Variants in EEF1AKMT1 observed in about 807,000 individuals in gnomAD.
EEF1AKMT1 encodes the protein EEF1A lysine methyltransferase 1.
EEF1AKMT1 carries 18 observed loss-of-function variants against 21.0 expected under a neutral mutation model. That is an observed-to-expected ratio of 0.86 (90% CI 0.59 to 1.27). EEF1AKMT1 has a LOEUF of 1.27. Among genes scored for constraint, EEF1AKMT1 ranks in the 50% most tolerant of loss-of-function variants. The pLI, the probability that EEF1AKMT1 is intolerant of heterozygous loss-of-function variation, is 0.00. For synonymous variants in EEF1AKMT1, 109 were observed against 94.8 expected, an observed-to-expected ratio of 1.15 and a Z score of -0.87; for missense variants, 246 against 258.6, an observed-to-expected ratio of 0.95 and a Z score of 0.33.
intron 4 of EEF1AKMT1, among the ~76,000 whole-genome samples, chr13:20,729,454 A>C (rs1327604618): frequency 6.6e-6 from 1 of 151,908 alleles, no homozygotes; most frequent in Non-Finnish European, 1.5e-5. Context: ...ACCTCTGCAA[A>C]GCCGAGACAC....
intron 4 of EEF1AKMT1, 137 bp from the exon 5 acceptor site, chr13:20,729,353 G>C: frequency 1.0e-6 from 1 of 965,242 alleles, no homozygotes; most frequent in Non-Finnish European, 1.5e-6. Context: ...GAGGGAGCGA[G>C]TGTTCTTTAC....
At chr13:20,751,887 T>A (rs558374651) in intron 2 of EEF1AKMT1, among the ~76,000 whole-genome samples, 1 of 152,286 alleles carries the variant, frequency 6.6e-6, no homozygotes, top group South Asian at 2.1e-4. Context: ...TATTACTAGG[T>A]ATTTCTTTTT....
intron 1 of EEF1AKMT1, among the ~76,000 whole-genome samples, chr13:20,768,167 GT>G (rs1161553927): frequency 6.6e-6 from 1 of 152,160 alleles, no homozygotes; most frequent in Non-Finnish European, 1.5e-5. Flanking sequence ...ATGTCTGATA[GT>G]TTTTTTATGG....
chr13:20,767,183 G>A lies in EEF1AKMT1; in HGVS notation c.-20+6738C>T, dbSNP rs563134104. 2.6e-5 allele frequency among the ~76,000 whole-genome samples: 4 copies of A among 151,668 alleles called. No individual in the cohort carries two copies. In the East Asian group the frequency reaches 5.9e-4, roughly 22 times the overall value. ...TAGCCGGGCGTTGTGGCAAGCACCTGTAGTCCCAGCTACTCGGGAGGCTGA... is the reference window on the plus strand; with the variant it reads ...TAGCCGGGCGTTGTGGCAAGCACCTATAGTCCCAGCTACTCGGGAGGCTGA... On this transcript the variant is annotated intron_variant, in intron 1 of 4. Coordinates refer to ENST00000382758, the MANE Select transcript of EEF1AKMT1 (RefSeq NM_001318939.2).
chr13:20,763,854 G>T (rs1295546764), intron 1 of EEF1AKMT1, among the ~76,000 whole-genome samples: 30 of 152,156 alleles, frequency 2.0e-4, no homozygotes, highest in Non-Finnish European at 1.5e-5. Context: ...CTCGTAGTTT[G>T]TAGTTTCAAC....
intron 2 of EEF1AKMT1, among the ~76,000 whole-genome samples, chr13:20,740,576 G>A (rs751142390): frequency 3.9e-5 from 6 of 152,220 alleles, no homozygotes; most frequent in East Asian, 1.9e-4. Context: ...AGGCCAAGGC[G>A]GGAGGGTCCT....
rs2058996390 is a variant in EEF1AKMT1, at chr13:20,760,576, C to A, written c.-19-2959G>T. Among the ~76,000 whole-genome samples, 4 of 152,230 alleles carry A rather than the reference C, an allele frequency of 2.6e-5. No homozygotes were observed. In the South Asian group the frequency reaches 8.3e-4, roughly 32 times the overall value. On this transcript the variant is annotated intron_variant, in intron 1 of 4. Transcript: ENST00000382758. ...AGAGTGGGGGAAGGATTGAAAAAAA[C>A]TACCCTATCAGATATTATGTTCAAT...
chr13:20,751,871 T>C (rs2058942880), intron 2 of EEF1AKMT1, among the ~76,000 whole-genome samples: 1 of 152,214 alleles, frequency 6.6e-6, no homozygotes, highest in Non-Finnish European at 1.5e-5. Flanking sequence ...CCTCCTTGGT[T>C]AAATTTATTA....
At chr13:20,771,341 GC>G (rs2059062001) in intron 1 of EEF1AKMT1, among the ~76,000 whole-genome samples, 1 of 152,082 alleles carries the variant, frequency 6.6e-6, no homozygotes, top group Non-Finnish European at 1.5e-5. Context: ...TAAAATTGTC[GC>G]CTTTCATAGC....
chr13:20,747,072 T>C (rs1566532747), intron 2 of EEF1AKMT1: 1 of 155,622 alleles, frequency 6.4e-6, no homozygotes, highest in Non-Finnish European at 1.4e-5. Context: ...CAAATAAAAC[T>C]AGACTTCTGA....
chr13:20,739,300 A>C (rs58405525), intron 2 of EEF1AKMT1, among the ~76,000 whole-genome samples: 5,623 of 152,262 alleles, frequency 0.037, 372 homozygotes, highest in African/African-American at 0.13. Context: ...ATTTATTGTG[A>C]GGAGCAAAAG....
chr13:20,751,781 G>A (rs1193335852), intron 2 of EEF1AKMT1, among the ~76,000 whole-genome samples: 1 of 152,154 alleles, frequency 6.6e-6, no homozygotes, highest in African/African-American at 2.4e-5. Flanking sequence ...CAATCCGTGA[G>A]CACGGGATGT....
intron 1 of EEF1AKMT1, among the ~76,000 whole-genome samples, chr13:20,765,912 T>G (rs1211062655): frequency 6.6e-6 from 1 of 152,152 alleles, no homozygotes; most frequent in Non-Finnish European, 1.5e-5. Flanking sequence ...CAAATTATAA[T>G]CATAATGAGA....
At chr13:20,744,144 T>C (rs948406319) in intron 2 of EEF1AKMT1, among the ~76,000 whole-genome samples, 1 of 152,236 alleles carries the variant, frequency 6.6e-6, no homozygotes, top group Non-Finnish European at 1.5e-5. Context: ...TAAACAGTGC[T>C]GCAATAAACA....
intron 2 of EEF1AKMT1, chr13:20,747,968 C>T (rs9552271): frequency 0.39 from 93,119 of 237,890 alleles, 20,544 homozygotes; most frequent in East Asian, 0.75. Flanking sequence ...AATTCACCAA[C>T]TGACATTTCA....
chr13:20,764,513 A>T (rs1360108212), intron 1 of EEF1AKMT1, among the ~76,000 whole-genome samples: 1 of 152,078 alleles, frequency 6.6e-6, no homozygotes, highest in Non-Finnish European at 1.5e-5. Flanking sequence ...ATGTGAATAG[A>T]TCCTTTTGGT....
chr13:20,755,364 C>T (rs1279621979), intron 2 of EEF1AKMT1, among the ~76,000 whole-genome samples: 1 of 152,214 alleles, frequency 6.6e-6, no homozygotes. Flanking sequence ...TTGGCATGTG[C>T]TCCCTATCTG....
At position 20,773,331 on chromosome 13, in the gene EEF1AKMT1, ACTT is replaced by A. The variant is rs565330919; in HGVS notation, c.-20+587_-20+589del. ...GGTAGGGACCCGCTATCGTCCCAGC[ACTT>A]CTTCTGCACCTCCGAAGCTACTGCC... is the stretch of plus-strand genomic sequence containing the variant. On this transcript the variant is annotated intron_variant, in intron 1 of 4. Transcript: ENST00000382758. Among the ~76,000 whole-genome samples the A allele has an allele frequency of 2.5e-4, 38 of 152,148 alleles. No homozygotes were observed. In the South Asian group the frequency reaches 5.2e-3, roughly 21 times the overall value.
intron 2 of EEF1AKMT1, among the ~76,000 whole-genome samples, chr13:20,746,159 T>C (rs909171418): frequency 6.8e-6 from 1 of 146,286 alleles, no homozygotes; most frequent in African/African-American, 2.5e-5. Context: ...CTATCCATTA[T>C]TTTTTTTTTT....
Sources: gnomAD v4.1 joint callset for allele counts (sites outside exome capture counted in the v4.1 genomes callset) on GRCh38, gnomAD v4.1.1 for gene constraint, MANE v1.5 for transcripts, NCBI Gene and HGNC (gene_info 2026-07-23, HGNC 2026-07-21) for gene names.